Variants in FHIT observed in about 807,000 individuals in gnomAD.
FHIT encodes fragile histidine triad diadenosine triphosphatase.
In FHIT, 19 loss-of-function variants were observed where a neutral mutation model predicts 17.9. The ratio of observed to expected loss-of-function variants is 1.06; its 90% CI spans 0.74 to 1.56. FHIT has a LOEUF of 1.56. Ranked by LOEUF, FHIT falls within the 40% of genes most tolerant of loss-of-function variation. The pLI, the probability that FHIT is intolerant of heterozygous loss-of-function variation, is 0.00. For missense variants in FHIT, 248 were observed against 189.2 expected (o/e 1.31, Z -1.82); for synonymous variants, 81 against 69.7 (o/e 1.16, Z -0.81).
chr3:60,475,152 ACTATGTGCCAGG>A (rs1455684856), intron 5 of FHIT, among the ~76,000 whole-genome samples: 1 of 148,328 alleles, frequency 6.7e-6, no homozygotes, highest in Non-Finnish European at 1.5e-5. Context: ...GAAGTGTTTT[ACTATGTGCCAGG>A]CACTGGGCCA....
chr3:60,730,424 C>A, intron 4 of FHIT: 1 of 234,920 alleles, frequency 4.3e-6, no homozygotes. Flanking sequence ...GTGTATTTCC[C>A]ACTGGATTCT....
At chr3:60,770,551 T>C (rs1553722793) in intron 4 of FHIT, among the ~76,000 whole-genome samples, 2 of 152,290 alleles carry the variant, frequency 1.3e-5, no homozygotes, top group East Asian at 3.9e-4. Flanking sequence ...ACATTCATTT[T>C]TCCAGTATAG....
chr3:61,090,749 T>C (rs1175846843), intron 2 of FHIT, among the ~76,000 whole-genome samples: 1 of 152,210 alleles, frequency 6.6e-6, no homozygotes, highest in Non-Finnish European at 1.5e-5. Context: ...TAGAATTATA[T>C]CTAAGGACTG....
chr3:60,844,155 T>C (rs868950290), intron 3 of FHIT, among the ~76,000 whole-genome samples: 1 of 152,186 alleles, frequency 6.6e-6, no homozygotes, highest in Non-Finnish European at 1.5e-5. Flanking sequence ...CTATAGTGTT[T>C]AGTAGAATCT....
At chr3:60,891,317 C>T (rs1005925491) in intron 3 of FHIT, among the ~76,000 whole-genome samples, 2 of 152,178 alleles carry the variant, frequency 1.3e-5, no homozygotes, top group African/African-American at 4.8e-5. Context: ...GGGTTTGATT[C>T]TACCCACAGC....
intron 7 of FHIT, among the ~76,000 whole-genome samples, chr3:59,937,346 A>G (rs535716283): frequency 3.9e-5 from 6 of 152,186 alleles, no homozygotes; most frequent in African/African-American, 1.4e-4. Flanking sequence ...TCACAGTGTG[A>G]TAAGATACAG....
chr3:60,892,587 T>C (rs544962283), intron 3 of FHIT, among the ~76,000 whole-genome samples: 142 of 152,302 alleles, frequency 9.3e-4, no homozygotes, highest in Middle Eastern at 3.4e-3. Flanking sequence ...TCCTTTCTCC[T>C]GAGAAGGTGG....
chr3:60,796,648 G>T (rs2594169), intron 4 of FHIT, among the ~76,000 whole-genome samples: 60,162 of 151,962 alleles, frequency 0.4, 13,375 homozygotes, highest in East Asian at 0.79. Flanking sequence ...AGTGGCACAA[G>T]CTTGGCTCAC....
At chr3:60,204,671 A>T (rs1244957591) in intron 5 of FHIT, among the ~76,000 whole-genome samples, 1 of 152,158 alleles carries the variant, frequency 6.6e-6, no homozygotes, top group African/African-American at 2.4e-5. Flanking sequence ...AAGTCAGAAA[A>T]TGTTAGAGAA....
intron 8 of FHIT, among the ~76,000 whole-genome samples, chr3:59,834,173 G>C (rs1249349538): frequency 6.6e-6 from 1 of 152,182 alleles, no homozygotes; most frequent in Non-Finnish European, 1.5e-5. Context: ...AGATCAGGAA[G>C]ACCTGAATTC....
At chr3:60,015,359 T>C (rs1051842320) in intron 5 of FHIT, among the ~76,000 whole-genome samples, 2 of 152,134 alleles carry the variant, frequency 1.3e-5, no homozygotes, top group Non-Finnish European at 2.9e-5. Context: ...AATGGTAAAC[T>C]AGGAAAAGAA....
In FHIT at chr3:60,457,201, C is replaced by T. The variant is rs541025635; in HGVS notation, c.103+79659G>A. 3.9e-5 allele frequency among the ~76,000 whole-genome samples: 6 copies of T among 152,036 alleles called. No homozygotes were observed. In the South Asian group the frequency reaches 1.3e-3, roughly 32 times the overall value. ...AACAATACTACAAGGCTACAGTAAC[C>T]AAAACAGCATGGTACTGGTACCAAA... On this transcript the variant is annotated intron_variant, in intron 5 of 9. Transcript: ENST00000492590.
At chr3:60,991,448 T>A (rs757595671) in intron 3 of FHIT, among the ~76,000 whole-genome samples, 7 of 152,180 alleles carry the variant, frequency 4.6e-5, no homozygotes, top group Non-Finnish European at 7.3e-5. Context: ...TAGATTCTAT[T>A]TGATATTTTA....
chr3:61,024,719 C>G (rs17685772), intron 3 of FHIT, among the ~76,000 whole-genome samples: 40,012 of 151,964 alleles, frequency 0.26, 6,169 homozygotes, highest in African/African-American at 0.44. Flanking sequence ...TTTCAAAAGA[C>G]AACGCATTTT....
chr3:60,091,354 C>G (rs1703722380), intron 5 of FHIT, among the ~76,000 whole-genome samples: 1 of 152,154 alleles, frequency 6.6e-6, no homozygotes, highest in African/African-American at 2.4e-5. Flanking sequence ...AAAAGACTTT[C>G]TAGAGTTGTA....
intron 5 of FHIT, among the ~76,000 whole-genome samples, chr3:60,259,510 T>C (rs561056610): frequency 1.6e-4 from 24 of 152,304 alleles, no homozygotes; most frequent in African/African-American, 5.8e-4. Flanking sequence ...CCTTAAGTTA[T>C]GGCAACTGCA....
chr3:61,052,197 C>T (rs1025545427), intron 2 of FHIT, among the ~76,000 whole-genome samples: 2 of 152,212 alleles, frequency 1.3e-5, no homozygotes, highest in African/African-American at 2.4e-5. Context: ...GTACCACACT[C>T]GTGTTCTTCC....
At chr3:59,992,174 C>T (rs568195911) in intron 7 of FHIT, among the ~76,000 whole-genome samples, 3 of 152,166 alleles carry the variant, frequency 2.0e-5, no homozygotes, top group African/African-American at 7.2e-5. Flanking sequence ...CCTACTACTT[C>T]CCTTCAGAAA....
At chr3:60,798,502 G>T (rs140743821) in intron 4 of FHIT, among the ~76,000 whole-genome samples, 3,054 of 152,156 alleles carry the variant, frequency 0.02, 44 homozygotes, top group Non-Finnish European at 0.031. Context: ...CATGGCAGAG[G>T]ATAAAAAACA....
Sources: allele counts gnomAD v4.1 joint callset (sites outside exome capture counted in the v4.1 genomes callset), GRCh38; gene constraint gnomAD v4.1.1; transcripts MANE v1.5; gene names NCBI Gene and HGNC (gene_info 2026-07-23, HGNC 2026-07-21).